The following CDS2 variants were observed in gnomAD, a reference collection of about 807,000 sequenced individuals.
CDS2 encodes CDP-diacylglycerol synthase 2.
A neutral mutation model predicts 59.0 loss-of-function variants in CDS2; 47 were observed. That is an observed-to-expected ratio of 0.80 (90% CI 0.63 to 1.02). CDS2 has a LOEUF of 1.02. Ranked by LOEUF, CDS2 falls within the 50% of genes least tolerant of loss-of-function variation. The pLI, the probability that CDS2 is intolerant of heterozygous loss-of-function variation, is 0.00. For missense variants in CDS2, 356 were observed against 558.9 expected, an observed-to-expected ratio of 0.64 and a Z score of 3.66; for synonymous variants, 207 against 206.4, an observed-to-expected ratio of 1.00 and a Z score of -0.02.
intron 1 of CDS2, among the ~76,000 whole-genome samples, chr20:5,135,719 A>C (rs2090644946): frequency 6.6e-6 from 1 of 152,142 alleles, no homozygotes; most frequent in South Asian, 2.1e-4. Context: ...TAGGGATGGC[A>C]TTGAGCCCAC....
intron 4 of CDS2, among the ~76,000 whole-genome samples, chr20:5,177,822 C>G (rs2091005624): frequency 6.6e-6 from 1 of 152,212 alleles, no homozygotes; most frequent in South Asian, 2.1e-4. Context: ...GGGATTGCCA[C>G]CTGGCTTAAG....
intron 9 of CDS2, 67 bp from the exon 10 acceptor site, chr20:5,186,620 G>C: frequency 6.4e-7 from 1 of 1,567,540 alleles, no homozygotes; most frequent in Non-Finnish European, 8.7e-7. Context: ...GCCAAACCAG[G>C]TGCCTGTGTC....
chr20:5,127,060 A>G lies in CDS2; in HGVS notation c.-33A>G, dbSNP rs1370801944. The G allele has an allele frequency of 1.3e-6, 2 of 1,484,118 alleles. No homozygotes were observed. The highest frequency in any genetic ancestry group is 6.0e-5 in the East Asian group (2 of 33,082). 91.9% of individuals were successfully genotyped at this position (1,484,118 alleles called of 1,614,324 possible). A position where few individuals can be genotyped will look rare whatever the true frequency, so the allele number is the denominator to read the frequency against. ...TGCCTGCTCCGGCGGCTTCGCTGCT[A>G]GCTCGCGGCGACGTCGGGCCGATTT... On this transcript the variant is annotated 5_prime_UTR_variant, in exon 1 of 13. Coordinates refer to ENST00000460006, the MANE Select transcript of CDS2 (RefSeq NM_003818.4).
intron 1 of CDS2, among the ~76,000 whole-genome samples, chr20:5,150,121 A>C (rs894356021): frequency 1.3e-5 from 2 of 152,240 alleles, no homozygotes; most frequent in Non-Finnish European, 2.9e-5. Context: ...ATTTTCTTAA[A>C]GGATCTTAAA....
intron 1 of CDS2, among the ~76,000 whole-genome samples, chr20:5,135,951 G>T (rs2090646650): frequency 6.6e-6 from 1 of 152,146 alleles, no homozygotes; most frequent in East Asian, 1.9e-4. Context: ...ACATCTTTTT[G>T]ATTTGTTGTC....
At chr20:5,169,726 C>T (rs2090941005) in intron 1 of CDS2, among the ~76,000 whole-genome samples, 1 of 152,212 alleles carries the variant, frequency 6.6e-6, no homozygotes, top group Admixed American at 6.5e-5. Flanking sequence ...AGATTTCCTC[C>T]CACACTTTGG....
At position 5,185,765 on chromosome 20, in the gene CDS2, C is replaced by T. The variant is rs753364425; in HGVS notation, c.767C>T (p.Pro256Leu). The T allele has an allele frequency of 5.0e-6, 8 of 1,614,028 alleles. No individual in the cohort carries two copies. Among genetic ancestry groups the T allele is most frequent in the Non-Finnish European group, 5.9e-6 (7 of 1,179,988 alleles). The stretch of plus-strand genomic sequence containing the variant: ...CTTGCTCTCTGTCCACAGCTGTCCC[C>T]GAAGAAGACCTGGGAAGGCTTCATT... Reference protein sequence around the residue: ...FGRTPLIKLSPKKTWEGFIGG... With the variant: ...FGRTPLIKLSLKKTWEGFIGG... The change falls in exon 9 of 13, where the codon CCG becomes CTG. Residue 256 changes from proline to leucine, a missense_variant. Pro to Leu is a moderately conservative substitution (Grantham distance 98). Around this residue, in one of 5 missense-constraint regions of CDS2, gnomAD observed 87 missense variants for 193.3 expected, o/e 0.45. Coordinates refer to ENST00000460006, the MANE Select transcript of CDS2 (RefSeq NM_003818.4).
Position 5,191,652 on chromosome 20 carries a change from G to C in CDS2, c.*1418G>C, listed in dbSNP as rs374504723. ...TGTAAATTAGCCTCACTGCCTCCCTGAAAGTGCACAGTCAGCCCAGGTCTC... is the reference window on the plus strand; with the variant it reads ...TGTAAATTAGCCTCACTGCCTCCCTCAAAGTGCACAGTCAGCCCAGGTCTC... On this transcript the variant is annotated 3_prime_UTR_variant, in exon 13 of 13. Coordinates refer to ENST00000460006, the MANE Select transcript of CDS2 (RefSeq NM_003818.4). 1 of 152,224 alleles carries C rather than the reference G, an allele frequency of 6.6e-6. No homozygotes were observed. Among genetic ancestry groups the C allele is most frequent in the Non-Finnish European group, 1.5e-5 (1 of 68,080 alleles). The allele number at this position is 152,224 out of a possible 1,614,324, so 9.4% of individuals were successfully genotyped here.
intron 1 of CDS2, among the ~76,000 whole-genome samples, chr20:5,143,767 C>CTT (rs373867800): frequency 0.045 from 4,647 of 102,466 alleles, 375 homozygotes; most frequent in Middle Eastern, 0.13. Flanking sequence ...TCTTCTTCTT[C>CTT]TTTTTTTTTT....
At chr20:5,163,318 A>G (rs535491802) in intron 1 of CDS2, among the ~76,000 whole-genome samples, 55 of 151,510 alleles carry the variant, frequency 3.6e-4, no homozygotes, top group African/African-American at 1.3e-3. Context: ...CTGAAGTGCA[A>G]TGGCTCCATC....
intron 1 of CDS2, among the ~76,000 whole-genome samples, chr20:5,152,194 G>A (rs1021651607): frequency 2.0e-5 from 3 of 151,446 alleles, no homozygotes; most frequent in African/African-American, 7.3e-5. Flanking sequence ...TTTTTTCCTG[G>A]TGCTGATAAA....
rs752273382 is a variant in CDS2, at chr20:5,189,824, C to A, written c.1191C>A (p.Ile397=). 1 of 1,612,972 alleles carries A rather than the reference C, an allele frequency of 6.2e-7. No homozygotes were observed. Among genetic ancestry groups the A allele is most frequent in the Non-Finnish European group, 8.5e-7 (1 of 1,178,978 alleles). ...TGGCCACCTTTGTCAATGTATACAT[C>A]GCCAGTTTTATCAGGTATAGTACCT... ...YLMATFVNVY[I]ASFIRGPNPS... The change falls in exon 12 of 13, where the codon ATC becomes ATA. Residue 397 remains isoleucine, a synonymous_variant. Coordinates refer to ENST00000460006, the MANE Select transcript of CDS2 (RefSeq NM_003818.4).
intron 1 of CDS2, among the ~76,000 whole-genome samples, chr20:5,136,862 G>A (rs1339461148): frequency 1.3e-5 from 2 of 152,126 alleles, no homozygotes; most frequent in Non-Finnish European, 2.9e-5. Context: ...ACATTGCTGA[G>A]GTTTGGTGTA....
chr20:5,136,572 G>A (rs940338478), intron 1 of CDS2, among the ~76,000 whole-genome samples: 2 of 152,088 alleles, frequency 1.3e-5, no homozygotes, highest in African/African-American at 2.4e-5. Context: ...CAAATTTCAG[G>A]ATTTATTGCT....
At chr20:5,127,709 T>C (rs1017228919) in intron 1 of CDS2, among the ~76,000 whole-genome samples, 1 of 151,662 alleles carries the variant, frequency 6.6e-6, no homozygotes, top group Non-Finnish European at 1.5e-5. Flanking sequence ...TTGGAGGGCG[T>C]CCTCCCGGTT....
At chr20:5,169,982 C>G (rs964886295) in intron 1 of CDS2, among the ~76,000 whole-genome samples, 6 of 152,272 alleles carry the variant, frequency 3.9e-5, no homozygotes, top group Admixed American at 3.3e-4. Flanking sequence ...TGCTTCTGTC[C>G]TGTGTGCTGT....
chr20:5,150,346 G>A (rs921528846), intron 1 of CDS2, among the ~76,000 whole-genome samples: 2 of 152,220 alleles, frequency 1.3e-5, no homozygotes, highest in African/African-American at 2.4e-5. Context: ...TCAGTAACTT[G>A]ACATGTTGGA....
intron 1 of CDS2, among the ~76,000 whole-genome samples, chr20:5,154,877 A>C (rs552955074): frequency 2.5e-4 from 38 of 152,322 alleles, no homozygotes; most frequent in Non-Finnish European, 4.0e-4. Context: ...CAAACTTCTG[A>C]GCTCAAGCGA....
At chr20:5,187,390 T>G (rs1819045472) in intron 10 of CDS2, 1 of 161,150 alleles carries the variant, frequency 6.2e-6, no homozygotes, top group Admixed American at 5.8e-5. Flanking sequence ...ACATTTCTGC[T>G]AAGTACTGTA....
Sources: gnomAD v4.1 joint callset for allele counts (sites outside exome capture counted in the v4.1 genomes callset) on GRCh38, gnomAD v4.1.1 for gene constraint, gnomAD v4.1.1 regional missense constraint, MANE v1.5 for transcripts, NCBI Gene and HGNC (gene_info 2026-07-23, HGNC 2026-07-21) for gene names.